The following PDE4D variants were observed in gnomAD, a reference collection of about 807,000 sequenced individuals.
PDE4D encodes phosphodiesterase 4D, also known as 3',5'-cyclic-AMP phosphodiesterase 4D.
PDE4D carries 24 observed loss-of-function variants against 87.4 expected under a neutral mutation model. That is an observed-to-expected ratio of 0.27 (90% CI 0.20 to 0.39). The LOEUF (loss-of-function observed/expected upper bound fraction) is 0.39. Among genes scored for constraint, PDE4D ranks in the 10% least tolerant of loss-of-function variants. The pLI, the probability that PDE4D is intolerant of heterozygous loss-of-function variation, is 1.00. For missense variants in PDE4D, 714 were observed against 1,041.0 expected, an observed-to-expected ratio of 0.69 and a Z score of 4.32; for synonymous variants, 384 against 383.2, an observed-to-expected ratio of 1.00 and a Z score of -0.02.
chr5:60,313,450 C>T (rs1274911990), intron 1 of PDE4D, among the ~76,000 whole-genome samples: 1 of 152,074 alleles, frequency 6.6e-6, no homozygotes, highest in African/African-American at 2.4e-5. Context: ...AAACACCTAC[C>T]AACCAGAAAA....
intron 1 of PDE4D, among the ~76,000 whole-genome samples, chr5:59,762,587 CAT>C (rs1386958456): frequency 1.6e-5 from 2 of 127,584 alleles, no homozygotes; most frequent in Admixed American, 7.8e-5. Context: ...TATGGGTACA[CAT>C]ATGTGTATAT....
chr5:60,283,343 T>C (rs1449925175), intron 1 of PDE4D, among the ~76,000 whole-genome samples: 1 of 152,098 alleles, frequency 6.6e-6, no homozygotes, highest in African/African-American at 2.4e-5. Flanking sequence ...CAATTTCAGG[T>C]TTTACTCATA....
intron 1 of PDE4D, chr5:59,592,255 C>CAGGAGTGGAA: frequency 2.0e-6 from 1 of 505,690 alleles, no homozygotes; most frequent in Non-Finnish European, 2.6e-6. Flanking sequence ...CATGACTTTC[C>CAGGAGTGGAA]ACTCCTGGCA....
At chr5:59,552,586 C>T (rs1282514662) in intron 1 of PDE4D, among the ~76,000 whole-genome samples, 1 of 152,096 alleles carries the variant, frequency 6.6e-6, no homozygotes, top group Admixed American at 6.6e-5. Context: ...TTGAAATAAA[C>T]ACTATATTCT....
chr5:59,850,673 T>C (rs1463819824), intron 1 of PDE4D, among the ~76,000 whole-genome samples: 3 of 151,970 alleles, frequency 2.0e-5, no homozygotes, highest in Non-Finnish European at 4.4e-5. Flanking sequence ...GTACAGATTA[T>C]GTCCTCAAGT....
chr5:59,826,111 T>C (rs1350487923), intron 1 of PDE4D, among the ~76,000 whole-genome samples: 4 of 152,174 alleles, frequency 2.6e-5, no homozygotes, highest in Non-Finnish European at 4.4e-5. Flanking sequence ...GTTTTTCTGT[T>C]ACAAATTCAG....
At chr5:60,227,898 G>T (rs1340090719) in intron 1 of PDE4D, among the ~76,000 whole-genome samples, 1 of 151,696 alleles carries the variant, frequency 6.6e-6, no homozygotes, top group Admixed American at 6.6e-5. Flanking sequence ...TTTTTTCATT[G>T]CAGTCGCACG....
At chr5:59,499,547 G>A (rs1397194936) in intron 1 of PDE4D, among the ~76,000 whole-genome samples, 1 of 151,886 alleles carries the variant, frequency 6.6e-6, no homozygotes, top group Middle Eastern at 3.2e-3. Context: ...AACAAGAAAA[G>A]AGAGAAGATC....
intron 1 of PDE4D, among the ~76,000 whole-genome samples, chr5:59,336,012 C>T (rs1372231065): frequency 6.6e-6 from 1 of 152,214 alleles, no homozygotes; most frequent in Non-Finnish European, 1.5e-5. Flanking sequence ...GTAACAGTGA[C>T]ATTGCTGGGA....
At chr5:59,831,470 C>G (rs1198183936) in intron 1 of PDE4D, among the ~76,000 whole-genome samples, 1 of 151,884 alleles carries the variant, frequency 6.6e-6, no homozygotes, top group African/African-American at 2.4e-5. Context: ...GTAAATGTTT[C>G]AAATGCATCA....
At chr5:59,577,012 T>C (rs766953932) in intron 1 of PDE4D, among the ~76,000 whole-genome samples, 1 of 152,102 alleles carries the variant, frequency 6.6e-6, no homozygotes, top group Non-Finnish European at 1.5e-5. Context: ...ATCAAGGGAC[T>C]CTCCATCATT....
chr5:59,653,885 G>A (rs1045934338), intron 1 of PDE4D, among the ~76,000 whole-genome samples: 1 of 146,650 alleles, frequency 6.8e-6, no homozygotes, highest in African/African-American at 2.5e-5. Context: ...GAGAAGGGGA[G>A]AGGAGAAGGG....
intron 1 of PDE4D, among the ~76,000 whole-genome samples, chr5:59,614,601 T>C (rs1350207455): frequency 6.6e-6 from 1 of 152,178 alleles, no homozygotes; most frequent in Non-Finnish European, 1.5e-5. Flanking sequence ...ATGGAGAGAA[T>C]ACCAATCCTG....
intron 1 of PDE4D, among the ~76,000 whole-genome samples, chr5:59,683,189 A>T (rs192755295): frequency 1.4e-4 from 21 of 152,322 alleles, no homozygotes; most frequent in Non-Finnish European, 2.6e-4. Flanking sequence ...CTTAATGTGT[A>T]TCAATAAGGA....
At chr5:59,509,275 T>C (rs145765233) in intron 1 of PDE4D, among the ~76,000 whole-genome samples, 1 of 152,016 alleles carries the variant, frequency 6.6e-6, no homozygotes, top group African/African-American at 2.4e-5. Context: ...GTCAACCCAG[T>C]AATGCATACA....
intron 3 of PDE4D, among the ~76,000 whole-genome samples, chr5:59,967,789 A>G (rs1461232605): frequency 2.6e-5 from 4 of 152,240 alleles, no homozygotes; most frequent in African/African-American, 7.2e-5. Context: ...AAAAAGACAC[A>G]TGCACTCATA....
At chr5:60,361,627 G>A (rs1382214375) in intron 1 of PDE4D, among the ~76,000 whole-genome samples, 1 of 152,118 alleles carries the variant, frequency 6.6e-6, no homozygotes, top group South Asian at 2.1e-4. Flanking sequence ...GTTTTGAGTT[G>A]AAGTGTCACA....
intron 1 of PDE4D, among the ~76,000 whole-genome samples, chr5:60,452,538 C>A (rs1004662776): frequency 1.3e-5 from 2 of 152,020 alleles, no homozygotes; most frequent in South Asian, 4.1e-4. Context: ...GTAAAGAAGA[C>A]AATGATATGA....
chr5:59,652,920 C>T (rs894102282), intron 1 of PDE4D, among the ~76,000 whole-genome samples: 31 of 151,922 alleles, frequency 2.0e-4, no homozygotes, highest in Non-Finnish European at 4.1e-4. Flanking sequence ...TCTCTCCATG[C>T]CAAGTAAATA....
Sources: gnomAD v4.1 joint callset for allele counts (sites outside exome capture counted in the v4.1 genomes callset) on GRCh38, gnomAD v4.1.1 for gene constraint, MANE v1.5 for transcripts, NCBI Gene and HGNC (gene_info 2026-07-23, HGNC 2026-07-21) for gene names.